Variants in H2BC12 observed in about 807,000 individuals in gnomAD.
H2BC12 encodes histone H2B type 1-K.
A neutral mutation model predicts 6.3 loss-of-function variants in H2BC12; 6 were observed. The observed-to-expected ratio is 0.95, with a 90% CI of 0.52 to 1.87. The LOEUF (loss-of-function observed/expected upper bound fraction) is 1.87, where lower values mean the gene tolerates loss of function less well. H2BC12 is among the 40% of genes most tolerant of loss of function. The probability of loss-of-function intolerance (pLI) is 0.01; values close to 1 mark genes in which losing one functional copy is unlikely to be tolerated. For missense variants in H2BC12, 119 were observed against 178.4 expected, an observed-to-expected ratio of 0.67 and a Z score of 1.90; for synonymous variants, 132 against 78.5, an observed-to-expected ratio of 1.68 and a Z score of -3.60.
chr6:27,143,673 T>C (rs751612357), downstream of H2BC12, among the ~76,000 whole-genome samples: 8 of 151,056 alleles, frequency 5.3e-5, no homozygotes, highest in African/African-American at 1.7e-4. Context: ...CACAGTTAAA[T>C]AAACCTCCAC....
At position 27,146,826 on chromosome 6, in the gene H2BC12, G is replaced by C. The variant is rs746393002; in HGVS notation, c.-28C>G. 8.1e-6 allele frequency: 13 copies of C among 1,607,392 alleles called. No individual in the cohort carries two copies. The highest frequency in any genetic ancestry group is 2.2e-5 in the East Asian group (1 of 44,836). ...TGAAGGCGAACTACGAGCCTGAGAC[G>C]AGCAGCAGATCGAGAAAACGGGAAG... is the stretch of plus-strand genomic sequence containing the variant. On this transcript the variant is annotated 5_prime_UTR_variant, in exon 1 of 1. Transcript: ENST00000356950.
At chr6:27,140,373 C>CA in the H2BC12 span, among the ~76,000 whole-genome samples, 1 of 152,314 alleles carries the variant, frequency 6.6e-6, no homozygotes, top group South Asian at 2.1e-4. Flanking sequence ...TTTAGATGCA[C>CA]ATACCCCTAA....
chr6:27,139,788 T>G, the H2BC12 span: 3 of 1,128,866 alleles, frequency 2.7e-6, no homozygotes, highest in South Asian at 5.4e-5. Flanking sequence ...AATGGGCTGA[T>G]GACTACAGGT....
downstream of H2BC12, among the ~76,000 whole-genome samples, chr6:27,142,466 G>C (rs1005238238): frequency 6.6e-6 from 1 of 151,792 alleles, no homozygotes; most frequent in African/African-American, 2.4e-5. Flanking sequence ...GTAGAGACAT[G>C]TTGGCCAGGC....
At chr6:27,146,223 C>T (rs1349536091), downstream of H2BC12, among the ~76,000 whole-genome samples, 1 of 152,232 alleles carries the variant, frequency 6.6e-6, no homozygotes, top group Admixed American at 6.5e-5. Context: ...GTGTATGTGG[C>T]TTCTCCTTAG....
chr6:27,139,208 C>A, the H2BC12 span: 1 of 1,359,210 alleles, frequency 7.4e-7, no homozygotes, highest in East Asian at 2.4e-5. Flanking sequence ...GAGGGACTTC[C>A]CGCCAAAGCT....
downstream of H2BC12, among the ~76,000 whole-genome samples, chr6:27,145,503 C>T (rs1328013434): frequency 6.6e-6 from 1 of 152,146 alleles, no homozygotes; most frequent in Admixed American, 6.5e-5. Flanking sequence ...ACAATAAAAC[C>T]CACCACCTAA....
At chr6:27,144,235 G>A (rs1006346798), downstream of H2BC12, among the ~76,000 whole-genome samples, 1 of 152,118 alleles carries the variant, frequency 6.6e-6, no homozygotes, top group African/African-American at 2.4e-5. Context: ...GCCGAGGCAG[G>A]TGGATCGCCC....
rs747481729 is a variant in H2BC12 at position 27,146,735 on chromosome 6, C to T, written c.64G>A (p.Ala22Thr). 3 of 1,614,270 alleles carry T rather than the reference C, an allele frequency of 1.9e-6. No individual in the cohort carries two copies. The highest frequency in any genetic ancestry group is 2.5e-6 in the Non-Finnish European group (3 of 1,180,052). Residue 22 changes from alanine to threonine, a missense_variant, in exon 1 of 1, where the codon GCG (alanine) becomes ACG (threonine). This residue lies in a region of H2BC12 where 50 missense variants were observed against 37.4 expected (regional missense o/e 1.34). Coordinates refer to ENST00000356950, the MANE Select transcript of H2BC12 (RefSeq NM_001312653.2). ...CGCTTCTTGCCGTCCTTCTTCTGCG[C>T]CTTAGTCACGGCTTTCTTCGAGCCC... ...KKGSKKAVTK[A>T]QKKDGKKRKR...
the H2BC12 span, chr6:27,139,718 A>C: frequency 6.8e-7 from 1 of 1,468,644 alleles, no homozygotes; most frequent in Non-Finnish European, 9.1e-7. Context: ...TGAGTCTCTT[A>C]ATAGGGCCAT....
At chr6:27,139,577 C>A in the H2BC12 span, 1 of 1,613,798 alleles carries the variant, frequency 6.2e-7, no homozygotes, top group Non-Finnish European at 8.5e-7. Flanking sequence ...GTGGTCTACG[C>A]GCTCAAGCGC....
chr6:27,146,358 ATTTAAGTGGC>A, exon 1 of H2BC12: 1 of 1,608,438 alleles, frequency 6.2e-7, no homozygotes, highest in Non-Finnish European at 8.5e-7. Context: ...AATATCGATA[ATTTAAGTGGC>A]TCTTAAAAGA....
the H2BC12 span, chr6:27,138,942 A>G: frequency 1.1e-5 from 2 of 178,954 alleles, no homozygotes; most frequent in African/African-American, 4.7e-5. Flanking sequence ...TTGTATATTA[A>G]GGAGAAAAAT....
At chr6:27,144,406 G>C (rs1280814757), downstream of H2BC12, among the ~76,000 whole-genome samples, 2 of 135,916 alleles carry the variant, frequency 1.5e-5, no homozygotes, top group Non-Finnish European at 3.1e-5. Context: ...AGGTTGCAGT[G>C]AGCCAAGATC....
At chr6:27,143,091 C>T (rs781041943), downstream of H2BC12, among the ~76,000 whole-genome samples, 5 of 151,806 alleles carry the variant, frequency 3.3e-5, no homozygotes, top group Admixed American at 6.6e-5. Context: ...CTCACTGGCC[C>T]GGTTCACGCC....
chr6:27,144,684 T>C (rs571766219), downstream of H2BC12, among the ~76,000 whole-genome samples: 18 of 152,282 alleles, frequency 1.2e-4, no homozygotes, highest in East Asian at 2.7e-3. Flanking sequence ...GCAAAAATAG[T>C]TTGTAAGTCT....
downstream of H2BC12, among the ~76,000 whole-genome samples, chr6:27,144,290 C>T (rs138630666): frequency 0.066 from 9,962 of 152,020 alleles, 597 homozygotes; most frequent in Non-Finnish European, 0.086. Flanking sequence ...GTTGAAACCC[C>T]ATCTCTACTA....
downstream of H2BC12, among the ~76,000 whole-genome samples, chr6:27,142,395 C>T (rs746883528): frequency 3.3e-5 from 5 of 151,896 alleles, no homozygotes; most frequent in Admixed American, 6.6e-5. Flanking sequence ...GCCTCCGCCT[C>T]CCAAGTAGCT....
At chr6:27,139,804 T>C in the H2BC12 span, 1 of 1,015,534 alleles carries the variant, frequency 9.8e-7, no homozygotes, top group Non-Finnish European at 1.4e-6. Flanking sequence ...CAGGTGACCT[T>C]GGGCCGAGAT....
Sources: allele counts gnomAD v4.1 joint callset (sites outside exome capture counted in the v4.1 genomes callset), GRCh38; gene constraint gnomAD v4.1.1; regional missense constraint gnomAD v4.1.1; transcripts MANE v1.5; gene names NCBI Gene and HGNC (gene_info 2026-07-23, HGNC 2026-07-21).